Variants in ERBB4 observed in about 807,000 individuals in gnomAD.
ERBB4 encodes erb-b2 receptor tyrosine kinase 4.
ERBB4 carries 42 observed loss-of-function variants against 158.0 expected under a neutral mutation model. The ratio of observed to expected loss-of-function variants is 0.27; its 90% confidence interval spans 0.21 to 0.34. ERBB4 has a LOEUF of 0.34. ERBB4 is among the 10% of genes least tolerant of loss of function. ERBB4 has a pLI of 1.00. For missense variants in ERBB4, 1,333 were observed against 1,624.1 expected (o/e 0.82, Z 3.08); for synonymous variants, 583 against 558.7 (o/e 1.04, Z -0.61).
At chr2:211,762,698 C>T (rs977933555) in intron 4 of ERBB4, among the ~76,000 whole-genome samples, 6 of 152,138 alleles carry the variant, frequency 3.9e-5, no homozygotes, top group African/African-American at 7.2e-5. Context: ...ATTTGAGAAA[C>T]GTGGTTCAAC....
chr2:212,335,647 CAAAGT>C (rs2088400892), intron 1 of ERBB4, among the ~76,000 whole-genome samples: 1 of 151,878 alleles, frequency 6.6e-6, no homozygotes, highest in African/African-American at 2.4e-5. Flanking sequence ...TCGTAGGAGA[CAAAGT>C]AACCACAGCA....
At chr2:212,245,034 T>G (rs2084259551) in intron 1 of ERBB4, among the ~76,000 whole-genome samples, 1 of 152,158 alleles carries the variant, frequency 6.6e-6, no homozygotes, top group Non-Finnish European at 1.5e-5. Flanking sequence ...ATCACAGTTA[T>G]TTTATTGTAG....
At chr2:211,488,420 A>T (rs2065259795) in intron 20 of ERBB4, among the ~76,000 whole-genome samples, 1 of 152,080 alleles carries the variant, frequency 6.6e-6, no homozygotes, top group African/African-American at 2.4e-5. Context: ...TGTCCTGCTC[A>T]TCACTGTATT....
intron 25 of ERBB4, among the ~76,000 whole-genome samples, chr2:211,416,139 A>AG (rs558446469): frequency 2.0e-5 from 3 of 152,342 alleles, no homozygotes; most frequent in Admixed American, 2.0e-4. Flanking sequence ...GTCTTCCTCT[A>AG]TAAAAATACA....
intron 1 of ERBB4, among the ~76,000 whole-genome samples, chr2:212,400,619 T>A (rs1487887798): frequency 1.3e-5 from 2 of 152,194 alleles, no homozygotes; most frequent in African/African-American, 4.8e-5. Flanking sequence ...TTTTTCTTAT[T>A]ATGTATTTTA....
chr2:211,576,031 T>G (rs895166650), intron 19 of ERBB4, among the ~76,000 whole-genome samples: 6 of 152,312 alleles, frequency 3.9e-5, no homozygotes, highest in Admixed American at 6.5e-5. Flanking sequence ...ACATTGATCC[T>G]GATGTCAAGG....
At chr2:211,721,443 C>CAA (rs71054136) in intron 7 of ERBB4, among the ~76,000 whole-genome samples, 15,851 of 54,278 alleles carry the variant, frequency 0.29, 3,152 homozygotes, top group South Asian at 0.52. Flanking sequence ...TTACTCAAAG[C>CAA]AAAAAAAAAA....
chr2:211,520,119 G>T (rs2066147927), intron 20 of ERBB4, among the ~76,000 whole-genome samples: 1 of 152,070 alleles, frequency 6.6e-6, no homozygotes, highest in African/African-American at 2.4e-5. Context: ...GTTAGCTTTA[G>T]AATTTTTTTT....
intron 25 of ERBB4, among the ~76,000 whole-genome samples, chr2:211,420,184 A>C (rs2063485211): frequency 6.6e-6 from 1 of 151,968 alleles, no homozygotes; most frequent in African/African-American, 2.4e-5. Context: ...GTTTTAAATA[A>C]ATTAAGATGA....
intron 25 of ERBB4, among the ~76,000 whole-genome samples, chr2:211,392,018 C>G (rs911465087): frequency 2.0e-5 from 3 of 151,978 alleles, no homozygotes; most frequent in Non-Finnish European, 4.4e-5. Context: ...CTCCAAATTC[C>G]TTTGACTAAA....
intron 11 of ERBB4, among the ~76,000 whole-genome samples, chr2:211,703,285 T>C (rs918397875): frequency 4.6e-5 from 7 of 152,178 alleles, no homozygotes; most frequent in Non-Finnish European, 8.8e-5. Flanking sequence ...TAAAAGTTGT[T>C]TATATACAGC....
At chr2:211,516,335 CTT>C (rs1182366655) in intron 20 of ERBB4, among the ~76,000 whole-genome samples, 1 of 145,306 alleles carries the variant, frequency 6.9e-6, no homozygotes, top group Non-Finnish European at 1.5e-5. Context: ...CCTTTTTTTT[CTT>C]TTTTTTTTCT....
At chr2:212,315,248 A>G (rs1311025710) in intron 1 of ERBB4, among the ~76,000 whole-genome samples, 1 of 151,380 alleles carries the variant, frequency 6.6e-6, no homozygotes, top group East Asian at 2.0e-4. Context: ...AGAAATGACA[A>G]TGAGCAAGTA....
chr2:211,989,935 C>T (rs908461645), intron 2 of ERBB4, among the ~76,000 whole-genome samples: 2 of 151,744 alleles, frequency 1.3e-5, no homozygotes, highest in African/African-American at 4.8e-5. Flanking sequence ...TCATTCATCC[C>T]TTAGCTTGCA....
Position 211,819,996 on chromosome 2 carries a change from G to A in ERBB4, c.422-31837C>T, listed in dbSNP as rs13406971. 3.8e-3 allele frequency among the ~76,000 whole-genome samples: 584 copies of A among 151,976 alleles called. 4 individuals carry two copies. Among genetic ancestry groups the A allele is most frequent in the African/African-American group, 0.013 (556 of 41,518 alleles). ...GATGAGACCCACCAGATTGGGAAAA[G>A]CAAAATGACACATTGACTATTAGAT... On this transcript the variant is annotated intron_variant, in intron 3 of 27. Coordinates refer to ENST00000342788, the MANE Select transcript of ERBB4 (RefSeq NM_005235.3).
intron 27 of ERBB4, among the ~76,000 whole-genome samples, chr2:211,386,459 C>A (rs1209295103): frequency 6.6e-6 from 1 of 152,190 alleles, no homozygotes; most frequent in Non-Finnish European, 1.5e-5. Context: ...CTTTTGCCAA[C>A]AATACCAGTC....
intron 1 of ERBB4, among the ~76,000 whole-genome samples, chr2:212,215,821 C>T (rs1027139753): frequency 8.6e-5 from 13 of 151,302 alleles, no homozygotes; most frequent in East Asian, 7.7e-4. Context: ...TTTGGCTATG[C>T]GCCTACTTTT....
intron 2 of ERBB4, among the ~76,000 whole-genome samples, chr2:212,052,409 C>T (rs904256769): frequency 1.3e-5 from 2 of 152,136 alleles, no homozygotes; most frequent in Non-Finnish European, 2.9e-5. Context: ...TGGGACTTCA[C>T]CTTGTGATCC....
Position 212,191,728 on chromosome 2 carries a change from G to A in ERBB4, c.83-66825C>T, listed in dbSNP as rs141879670. Among the ~76,000 whole-genome samples, 363 of 143,446 alleles carry A rather than the reference G, an allele frequency of 2.5e-3. 33 individuals carry two copies. The highest frequency in any genetic ancestry group is 8.9e-3 in the African/African-American group (336 of 37,788). The allele number at this position is 143,446 out of a possible 152,430, so 94.1% of individuals were successfully genotyped here. ...GTGTTATACATGTTACATATAACAC[G>A]TGTTATACATGTTACATATAACACG... On this transcript the variant is annotated intron_variant, in intron 1 of 27. Coordinates refer to ENST00000342788, the MANE Select transcript of ERBB4 (RefSeq NM_005235.3).
Sources: gnomAD v4.1 joint callset for allele counts (sites outside exome capture counted in the v4.1 genomes callset) on GRCh38, gnomAD v4.1.1 for gene constraint, MANE v1.5 for transcripts, NCBI Gene and HGNC (gene_info 2026-07-23, HGNC 2026-07-21) for gene names.